The following RASA2 variants were observed in gnomAD, a reference collection of about 807,000 sequenced individuals.
RASA2 encodes the protein RAS p21 protein activator 2, also known as ras GTPase-activating protein 2.
Under a neutral mutation model 118.2 loss-of-function variants are expected in RASA2, and 155 were observed. The observed-to-expected ratio is 1.31, with a 90% CI of 1.15 to 1.50. The LOEUF is 1.50. Among genes scored for constraint, RASA2 ranks in the 40% most tolerant of loss-of-function variants. RASA2 has a pLI of 0.00. For missense variants in RASA2, 1,016 were observed against 1,009.6 expected (o/e 1.01, Z -0.09); for synonymous variants, 353 against 349.1 (o/e 1.01, Z -0.12).
At chr3:141,547,696 CTT>C (rs1203602476) in intron 5 of RASA2, among the ~76,000 whole-genome samples, 1 of 152,092 alleles carries the variant, frequency 6.6e-6, no homozygotes, top group Non-Finnish European at 1.5e-5. Flanking sequence ...ATTTCTATCT[CTT>C]GTCTGATTGC....
intron 5 of RASA2, among the ~76,000 whole-genome samples, chr3:141,550,001 A>G (rs765606594): frequency 2.6e-5 from 4 of 152,240 alleles, no homozygotes; most frequent in Non-Finnish European, 5.9e-5. Flanking sequence ...CAAATAAACA[A>G]TTAAAAACTC....
At position 141,572,733 on chromosome 3, in the gene RASA2, A is replaced by G. The variant is rs750289845; in HGVS notation, c.1284+10A>G. 1.9e-6 allele frequency: 3 copies of G among 1,539,868 alleles called. No individual in the cohort carries two copies. Among genetic ancestry groups the G allele is most frequent in the South Asian group, 1.1e-5 (1 of 87,358 alleles). On this transcript the variant is annotated intron_variant, in intron 12 of 23. Transcript: ENST00000286364. ...ACCTATTCTTGATGAGGTACAGAATATATCTCCAACAATGATAGTTTGTGG... is the reference window on the plus strand; with the variant it reads ...ACCTATTCTTGATGAGGTACAGAATGTATCTCCAACAATGATAGTTTGTGG...
intron 4 of RASA2, among the ~76,000 whole-genome samples, chr3:141,536,683 G>C (rs1382418194): frequency 6.6e-6 from 1 of 151,750 alleles, no homozygotes; most frequent in African/African-American, 2.4e-5. Context: ...CTTCCTTTAG[G>C]AGATTGAATA....
At chr3:141,507,025 G>A (rs960909516) in intron 1 of RASA2, among the ~76,000 whole-genome samples, 3 of 151,904 alleles carry the variant, frequency 2.0e-5, no homozygotes, top group Non-Finnish European at 2.9e-5. Flanking sequence ...AAATGCTACA[G>A]AAGATGAAGA....
chr3:141,497,320 A>AT lies in RASA2; in HGVS notation c.133+10105dup, dbSNP rs1000688136. On this transcript the variant is annotated intron_variant, in intron 1 of 23. Transcript: ENST00000286364. ...CATGTACCCTAAAACGTAAAGTATA[A>AT]TAAAAAAAAAAAAAGAGCGAGTTAG... 1.5e-4 allele frequency among the ~76,000 whole-genome samples: 21 copies of AT among 136,954 alleles called. 1 individual carries two copies. The highest frequency in any genetic ancestry group is 3.9e-4 in the East Asian group (2 of 5,132). 89.8% of individuals were successfully genotyped at this position (136,954 alleles called of 152,430 possible). A position where few individuals can be genotyped will look rare whatever the true frequency, so the allele number is the denominator to read the frequency against.
Position 141,572,703 on chromosome 3 carries a change from T to C in RASA2, c.1264T>C (p.Leu422=), listed in dbSNP as rs2082943659. 6.2e-7 allele frequency: 1 copy of C among 1,607,730 alleles called. No individual in the cohort carries two copies. The highest frequency in any genetic ancestry group is 8.5e-7 in the Non-Finnish European group (1 of 1,174,710). Residue 422 remains leucine, a synonymous_variant, in exon 12 of 24, where the codon TTA becomes CTA. Transcript: ENST00000286364. ...GGGAGGGCACTACCTGAAAGTAACATTAAAACCTATTCTTGATGAGGTACA... is the reference window on the plus strand; with the variant it reads ...GGGAGGGCACTACCTGAAAGTAACACTAAAACCTATTCTTGATGAGGTACA... ...IVGGHYLKVT[L]KPILDEICDS...
chr3:141,556,138 C>G (rs189785219), intron 7 of RASA2, among the ~76,000 whole-genome samples: 2 of 152,178 alleles, frequency 1.3e-5, no homozygotes, highest in Non-Finnish European at 2.9e-5. Context: ...AGGGCCATAC[C>G]CACTCCCCAG....
At chr3:141,601,518 A>T (rs1029891583) in intron 19 of RASA2, among the ~76,000 whole-genome samples, 9 of 152,150 alleles carry the variant, frequency 5.9e-5, no homozygotes, top group Non-Finnish European at 1.3e-4. Flanking sequence ...CGAAACCATG[A>T]TATGCTAGGA....
At chr3:141,551,583 A>T (rs985539885) in intron 5 of RASA2, among the ~76,000 whole-genome samples, 1 of 152,142 alleles carries the variant, frequency 6.6e-6, no homozygotes, top group African/African-American at 2.4e-5. Flanking sequence ...CCTCCTGCTG[A>T]CAGCTTTGCC....
At position 141,586,607 on chromosome 3, in the gene RASA2, A is replaced by G. The variant is rs200115871; in HGVS notation, c.1827-39A>G. The G allele has an allele frequency of 1.4e-4, 196 of 1,420,002 alleles. No individual in the cohort carries two copies. Among genetic ancestry groups the G allele is most frequent in the Admixed American group, 1.0e-3 (53 of 50,486 alleles). 88.0% of individuals were successfully genotyped at this position (1,420,002 alleles called of 1,614,324 possible). On this transcript the variant is annotated intron_variant, in intron 18 of 23. Coordinates refer to ENST00000286364, the MANE Select transcript of RASA2 (RefSeq NM_006506.5). ...CTTCTTTGTTTTGGATTAACTTTTA[A>G]TTTTTATAGCTAAATGTTTACATCT... is the stretch of plus-strand genomic sequence containing the variant.
intron 19 of RASA2, among the ~76,000 whole-genome samples, chr3:141,602,139 C>G (rs556106947): frequency 2.3e-4 from 35 of 152,286 alleles, no homozygotes; most frequent in African/African-American, 8.4e-4. Context: ...TGGCTGCCTT[C>G]TTTCCCAAGT....
chr3:141,543,822 G>C (rs2082440036), intron 5 of RASA2, among the ~76,000 whole-genome samples: 1 of 150,172 alleles, frequency 6.7e-6, no homozygotes. Context: ...CTTCTTTTAA[G>C]GTTGTTCTTT....
intron 4 of RASA2, among the ~76,000 whole-genome samples, chr3:141,533,363 T>C (rs2151096948): frequency 6.6e-6 from 1 of 152,290 alleles, no homozygotes; most frequent in East Asian, 1.9e-4. Context: ...GGAGAGATGC[T>C]TGTTTCCTAG....
At chr3:141,553,788 G>A in intron 5 of RASA2, 69 bp from the exon 6 acceptor site, 2 of 1,560,710 alleles carry the variant, frequency 1.3e-6, no homozygotes, top group Non-Finnish European at 1.7e-6. Flanking sequence ...ATTAGTTTGT[G>A]TTTAAAGATA....
At chr3:141,518,639 A>G (rs1449894809) in intron 3 of RASA2, among the ~76,000 whole-genome samples, 2 of 151,018 alleles carry the variant, frequency 1.3e-5, no homozygotes, top group Non-Finnish European at 2.9e-5. Flanking sequence ...TAAAATCTCT[A>G]TAATCTGGCT....
At position 141,614,001 on chromosome 3, in the gene RASA2, T is replaced by C. The variant is rs1006391503; in HGVS notation, c.*1688T>C. ...CATTTGAAAGAATTTAGCCATTTAA[T>C]AAATTTCTTATTCTCAAATTGCATT... On this transcript the variant is annotated 3_prime_UTR_variant, in exon 24 of 24. Transcript: ENST00000286364. The C allele has an allele frequency of 2.0e-5, 3 of 152,234 alleles. No individual in the cohort carries two copies. The highest frequency in any genetic ancestry group is 7.2e-5 in the African/African-American group (3 of 41,472). 9.4% of individuals were successfully genotyped at this position (152,234 alleles called of 1,614,324 possible). A position where few individuals can be genotyped will look rare whatever the true frequency, so the allele number is the denominator to read the frequency against.
At chr3:141,490,360 G>A (rs1389074498) in intron 1 of RASA2, among the ~76,000 whole-genome samples, 11 of 141,740 alleles carry the variant, frequency 7.8e-5, no homozygotes, top group East Asian at 6.1e-4. Flanking sequence ...AAAAAAAACC[G>A]TATTCAAACA....
At chr3:141,581,517 A>G (rs2083113203) in intron 17 of RASA2, among the ~76,000 whole-genome samples, 1 of 152,148 alleles carries the variant, frequency 6.6e-6, no homozygotes, top group African/African-American at 2.4e-5. Context: ...GATATTTAGC[A>G]GCATGCCTGG....
intron 19 of RASA2, among the ~76,000 whole-genome samples, chr3:141,593,947 T>G (rs945329817): frequency 1.3e-4 from 20 of 152,078 alleles, no homozygotes; most frequent in Non-Finnish European, 2.4e-4. Context: ...TAATGCATAA[T>G]CTGGAGAAAA....
Sources: gnomAD v4.1 joint callset for allele counts (sites outside exome capture counted in the v4.1 genomes callset) on GRCh38, gnomAD v4.1.1 for gene constraint, MANE v1.5 for transcripts, NCBI Gene and HGNC (gene_info 2026-07-23, HGNC 2026-07-21) for gene names.